Variants in PPP2R3A observed in about 807,000 individuals in gnomAD.
The protein encoded by PPP2R3A is protein phosphatase 2 regulatory subunit B''alpha.
PPP2R3A carries 80 observed loss-of-function variants against 106.9 expected under a neutral mutation model. The ratio of observed to expected loss-of-function variants is 0.75; its 90% confidence interval spans 0.62 to 0.90. PPP2R3A has a LOEUF of 0.90. Ranked by LOEUF, PPP2R3A falls within the 40% of genes least tolerant of loss-of-function variation. PPP2R3A has a pLI of 0.00. For synonymous variants in PPP2R3A, 483 were observed against 468.3 expected (o/e 1.03, Z -0.41); for missense variants, 1,386 against 1,350.4 (o/e 1.03, Z -0.41).
At chr3:136,079,471 C>T (rs1283285131) in intron 7 of PPP2R3A, among the ~76,000 whole-genome samples, 2 of 146,278 alleles carry the variant, frequency 1.4e-5, no homozygotes, top group South Asian at 4.3e-4. Flanking sequence ...TGCAGTGGTG[C>T]GATCTGGGTT....
intron 13 of PPP2R3A, among the ~76,000 whole-genome samples, chr3:136,127,037 A>G (rs945277201): frequency 1.3e-5 from 2 of 152,226 alleles, no homozygotes; most frequent in African/African-American, 4.8e-5. Context: ...CCAAAGGTAG[A>G]TAAAACCACA....
In PPP2R3A at chr3:136,006,952, A is replaced by G. The variant is rs145334232; in HGVS notation, c.1995+3459A>G. Among the ~76,000 whole-genome samples, 527 of 152,314 alleles carry G rather than the reference A, an allele frequency of 3.5e-3. 4 individuals are homozygous for G. Among genetic ancestry groups the G allele is most frequent in the African/African-American group, 0.012 (489 of 41,556 alleles). ...TATGAATTCCAAGTTAGTAGAATCC[A>G]CACCAATAAGGGATAGAGAGTAAGA... On this transcript the variant is annotated intron_variant, in intron 2 of 13. Coordinates refer to ENST00000264977, the MANE Select transcript of PPP2R3A (RefSeq NM_002718.5).
chr3:136,140,209 G>A lies in PPP2R3A; in HGVS notation c.3330-4834G>A, dbSNP rs180716506. On this transcript the variant is annotated intron_variant, in intron 13 of 13. Coordinates refer to ENST00000264977, the MANE Select transcript of PPP2R3A (RefSeq NM_002718.5). Reference sequence around the variant, plus strand: ...GAACCCAGAAGTGGCCATGCAGAAGGAGTCAGTTAACATACTTTGTTCTCC... The same window carrying A: ...GAACCCAGAAGTGGCCATGCAGAAGAAGTCAGTTAACATACTTTGTTCTCC... Among the ~76,000 whole-genome samples, 1,002 of 152,060 alleles carry A rather than the reference G, an allele frequency of 6.6e-3. 11 individuals are homozygous for A. Among genetic ancestry groups the A allele is most frequent in the African/African-American group, 0.023 (940 of 41,428 alleles).
intron 3 of PPP2R3A, among the ~76,000 whole-genome samples, chr3:136,030,778 A>ATATATATATGTATGTATGTATG (rs1206335696): frequency 9.0e-6 from 1 of 111,260 alleles, no homozygotes; most frequent in Non-Finnish European, 2.0e-5. Flanking sequence ...ATATATATAT[A>ATATATATATGTATGTATGTATG]TATGTATGTA....
intron 3 of PPP2R3A, among the ~76,000 whole-genome samples, chr3:136,027,986 G>A (rs1934728580): frequency 6.6e-6 from 1 of 152,172 alleles, no homozygotes; most frequent in Non-Finnish European, 1.5e-5. Flanking sequence ...CATTCTTCAG[G>A]ATAAACCTCA....
At chr3:136,114,946 C>T (rs1044193712) in intron 13 of PPP2R3A, among the ~76,000 whole-genome samples, 2 of 152,176 alleles carry the variant, frequency 1.3e-5, no homozygotes, top group Non-Finnish European at 2.9e-5. Flanking sequence ...TCAAGTGGGT[C>T]CCTGACCTCC....
intron 13 of PPP2R3A, among the ~76,000 whole-genome samples, chr3:136,138,436 C>G (rs1938709040): frequency 6.6e-6 from 1 of 152,142 alleles, no homozygotes; most frequent in Non-Finnish European, 1.5e-5. Flanking sequence ...ACCATCAAAA[C>G]TGAAGTGAAA....
intron 5 of PPP2R3A, among the ~76,000 whole-genome samples, chr3:136,051,566 G>A (rs370749772): frequency 2.0e-5 from 3 of 152,156 alleles, no homozygotes; most frequent in Admixed American, 6.5e-5. Flanking sequence ...CTGACCTCCG[G>A]TGATCCACCT....
intron 13 of PPP2R3A, among the ~76,000 whole-genome samples, chr3:136,120,808 G>A (rs575195363): frequency 3.9e-5 from 6 of 151,996 alleles, no homozygotes; most frequent in African/African-American, 1.4e-4. Context: ...ATACAAGCAG[G>A]CAACAAGCAT....
chr3:135,990,511 T>C (rs1289106407), intron 1 of PPP2R3A, among the ~76,000 whole-genome samples: 2 of 152,184 alleles, frequency 1.3e-5, no homozygotes, highest in East Asian at 1.9e-4. Context: ...TGTAATGCCC[T>C]GAACATTTGG....
At chr3:136,122,512 T>G (rs751026829) in intron 13 of PPP2R3A, among the ~76,000 whole-genome samples, 1 of 152,198 alleles carries the variant, frequency 6.6e-6, no homozygotes, top group Non-Finnish European at 1.5e-5. Context: ...CCTTGAATAC[T>G]GTATTTTTAC....
intron 5 of PPP2R3A, among the ~76,000 whole-genome samples, chr3:136,062,408 C>T (rs1034277422): frequency 2.6e-5 from 4 of 152,020 alleles, no homozygotes; most frequent in African/African-American, 7.3e-5. Context: ...CAAGGAGCAA[C>T]TCCATGCAAT....
chr3:136,061,037 A>T (rs571888802), intron 5 of PPP2R3A, among the ~76,000 whole-genome samples: 2 of 152,272 alleles, frequency 1.3e-5, no homozygotes, highest in East Asian at 3.9e-4. Context: ...AAAAAAGAAT[A>T]AAAAAACAAG....
At chr3:135,994,061 A>G (rs1424750135) in intron 1 of PPP2R3A, among the ~76,000 whole-genome samples, 1 of 152,176 alleles carries the variant, frequency 6.6e-6, no homozygotes, top group Non-Finnish European at 1.5e-5. Context: ...TATGTTTTTT[A>G]TTGTATGTAA....
intron 1 of PPP2R3A, among the ~76,000 whole-genome samples, chr3:135,992,675 G>A (rs1047672391): frequency 3.3e-5 from 5 of 152,058 alleles, no homozygotes; most frequent in African/African-American, 1.2e-4. Context: ...TCAGCTTCAG[G>A]CATGGATTTC....
At chr3:136,009,266 A>G (rs1012744505) in intron 2 of PPP2R3A, among the ~76,000 whole-genome samples, 7 of 151,914 alleles carry the variant, frequency 4.6e-5, no homozygotes, top group Admixed American at 1.3e-4. Flanking sequence ...CTTGCATTTC[A>G]TTGCTGCTCT....
intron 13 of PPP2R3A, among the ~76,000 whole-genome samples, chr3:136,129,236 G>T (rs1449092101): frequency 6.6e-6 from 1 of 151,760 alleles, no homozygotes; most frequent in Non-Finnish European, 1.5e-5. Flanking sequence ...CCAGGAGGTG[G>T]TTTTTTGAAA....
intron 1 of PPP2R3A, among the ~76,000 whole-genome samples, chr3:135,990,342 A>T (rs1933107390): frequency 6.6e-6 from 1 of 152,170 alleles, no homozygotes; most frequent in South Asian, 2.1e-4. Context: ...GGGAAGGAGG[A>T]TGTAAAAATG....
At chr3:136,011,401 T>G (rs1198761193) in intron 2 of PPP2R3A, among the ~76,000 whole-genome samples, 4 of 152,242 alleles carry the variant, frequency 2.6e-5, no homozygotes, top group African/African-American at 9.6e-5. Context: ...TTGTTAGTAA[T>G]TGTCACTTTG....
Sources: allele counts gnomAD v4.1 joint callset (sites outside exome capture counted in the v4.1 genomes callset), GRCh38; gene constraint gnomAD v4.1.1; transcripts MANE v1.5; gene names NCBI Gene and HGNC (gene_info 2026-07-23, HGNC 2026-07-21).